Variants in MYH10 observed in about 807,000 individuals in gnomAD.
The protein encoded by MYH10 is myosin-10.
In MYH10, 55 loss-of-function variants were observed where a neutral mutation model predicts 257.8. The ratio of observed to expected loss-of-function variants is 0.21; its 90% confidence interval spans 0.17 to 0.27. The LOEUF is 0.27. MYH10 is among the 10% of genes least tolerant of loss of function. The pLI is 1.00. For synonymous variants in MYH10, 854 were observed against 921.7 expected, an observed-to-expected ratio of 0.93 and a Z score of 1.33; for missense variants, 1,631 against 2,500.6, an observed-to-expected ratio of 0.65 and a Z score of 7.42.
At chr17:8,538,977 C>T (rs1310621383) in intron 14 of MYH10, among the ~76,000 whole-genome samples, 1 of 152,128 alleles carries the variant, frequency 6.6e-6, no homozygotes, top group Non-Finnish European at 1.5e-5. Flanking sequence ...ATTCATGGAT[C>T]AATGGGTTGT....
intron 2 of MYH10, among the ~76,000 whole-genome samples, chr17:8,618,917 G>A (rs750135166): frequency 6.6e-6 from 1 of 152,092 alleles, no homozygotes; most frequent in Non-Finnish European, 1.5e-5. Flanking sequence ...AAATACAGTC[G>A]GTTGTTTTCT....
At chr17:8,611,899 C>G (rs2085053433) in intron 2 of MYH10, among the ~76,000 whole-genome samples, 1 of 152,198 alleles carries the variant, frequency 6.6e-6, no homozygotes, top group African/African-American at 2.4e-5. Context: ...GCCACAGAGT[C>G]AAAACCACTA....
intron 8 of MYH10, among the ~76,000 whole-genome samples, chr17:8,553,258 T>C (rs1037895351): frequency 7.2e-5 from 11 of 152,192 alleles, no homozygotes; most frequent in Admixed American, 4.6e-4. Context: ...TTTGGAGGCA[T>C]AAAATACTGT....
intron 4 of MYH10, among the ~76,000 whole-genome samples, chr17:8,585,005 G>A (rs912763043): frequency 3.3e-5 from 5 of 151,666 alleles, no homozygotes; most frequent in African/African-American, 4.8e-5. Flanking sequence ...CACCATGCCC[G>A]GCCAATTTTG....
At chr17:8,561,575 A>G (rs1045187667) in intron 7 of MYH10, 31 of 823,926 alleles carry the variant, frequency 3.8e-5, no homozygotes, top group Non-Finnish European at 5.5e-5. Context: ...AAGCCCATGT[A>G]AGGAGCTGAG....
intron 16 of MYH10, among the ~76,000 whole-genome samples, chr17:8,534,280 CTTG>C (rs1313475003): frequency 6.6e-6 from 1 of 152,210 alleles, no homozygotes; most frequent in Non-Finnish European, 1.5e-5. Flanking sequence ...TTCTGTTTTA[CTTG>C]TTGGAAAGCT....
At chr17:8,587,978 T>C (rs2083972721) in intron 4 of MYH10, among the ~76,000 whole-genome samples, 1 of 152,066 alleles carries the variant, frequency 6.6e-6, no homozygotes, top group East Asian at 1.9e-4. Context: ...GTGGGCACGC[T>C]GCTGCTCATC....
chr17:8,542,953 A>G (rs188226769), intron 13 of MYH10, among the ~76,000 whole-genome samples: 1 of 152,312 alleles, frequency 6.6e-6, no homozygotes, highest in Non-Finnish European at 1.5e-5. Flanking sequence ...GCCCTCATAA[A>G]GTGAATTTAG....
At chr17:8,546,410 AC>A (rs781106786) in intron 12 of MYH10, 133 bp downstream of exon 12, 3 of 639,512 alleles carry the variant, frequency 4.7e-6, no homozygotes, top group Admixed American at 3.5e-5. Flanking sequence ...AAAAAAAAAA[AC>A]TCATTTAGTA....
At chr17:8,517,750 C>T (rs1234662977) in intron 21 of MYH10, among the ~76,000 whole-genome samples, 1 of 152,164 alleles carries the variant, frequency 6.6e-6, no homozygotes, top group Non-Finnish European at 1.5e-5. Context: ...AGTATAGATT[C>T]CCCCTCACTG....
chr17:8,522,394 A>C (rs2151906070), intron 17 of MYH10, among the ~76,000 whole-genome samples: 1 of 152,334 alleles, frequency 6.6e-6, no homozygotes, highest in African/African-American at 2.4e-5. Context: ...CTTCAGTGGA[A>C]GCTGGGAGAA....
chr17:8,567,150 A>G (rs952713224), intron 7 of MYH10, among the ~76,000 whole-genome samples: 8 of 152,192 alleles, frequency 5.3e-5, no homozygotes, highest in African/African-American at 1.7e-4. Context: ...GCATTTCAGT[A>G]GGAAAATTTC....
chr17:8,574,845 A>G (rs746641510), intron 6 of MYH10, among the ~76,000 whole-genome samples: 1 of 152,254 alleles, frequency 6.6e-6, no homozygotes, highest in South Asian at 2.1e-4. Context: ...AGTCGCAGAC[A>G]GGGACACCCA....
intron 17 of MYH10, 35 bp from the exon 18 acceptor site, chr17:8,521,320 A>G (rs1281009104): frequency 6.3e-7 from 1 of 1,596,112 alleles, no homozygotes; most frequent in Non-Finnish European, 8.6e-7. Flanking sequence ...AATATAAGCC[A>G]AACCTCACTC....
At chr17:8,495,025 A>C (rs771490046) in intron 31 of MYH10, 112 bp downstream of exon 31, 2 of 678,462 alleles carry the variant, frequency 2.9e-6, no homozygotes, top group Non-Finnish European at 5.2e-6. Context: ...AGTATGACAT[A>C]AAACTAGTAA....
chr17:8,492,525 T>A lies in MYH10; in HGVS notation c.4459-16A>T, dbSNP rs1049161710. ...CTGCTAACAGCTGTGCAGAAGGGGATGGGGGAATACGAAAAACCGAAACAG... is the reference window on the plus strand; with the variant it reads ...CTGCTAACAGCTGTGCAGAAGGGGAAGGGGGAATACGAAAAACCGAAACAG... On this transcript the variant is annotated splice_polypyrimidine_tract_variant and intron_variant, in intron 33 of 42. Transcript: ENST00000360416. 1 of 1,595,442 alleles carries A rather than the reference T, an allele frequency of 6.3e-7. No homozygotes were observed. Among genetic ancestry groups the A allele is most frequent in the South Asian group, 1.1e-5 (1 of 89,540 alleles).
intron 16 of MYH10, 147 bp from the exon 17 acceptor site, chr17:8,530,832 T>C (rs1466239728): frequency 1.7e-6 from 1 of 581,164 alleles, no homozygotes; most frequent in South Asian, 2.5e-5. Flanking sequence ...CAAACATGAC[T>C]GTTTAGAGAA....
At position 8,545,121 on chromosome 17, in the gene MYH10, C is replaced by CT. The variant is rs2151950032; in HGVS notation, c.1431+326dup. 6.6e-6 allele frequency among the ~76,000 whole-genome samples: 1 copy of CT among 152,336 alleles called. No homozygotes were observed. The highest frequency in any genetic ancestry group is 2.1e-4 in the South Asian group (1 of 4,824). On this transcript the variant is annotated intron_variant, in intron 13 of 42. Transcript: ENST00000360416. This position sits in a 1 kb window ranked among gnomAD's most constrained non-coding sequence, Gnocchi z 4.7. ...TTAAGTTCTGTCCCATACAGGACCACTGGAATTACTCTCATTATGCCGGGA... is the reference window on the plus strand; with the variant it reads ...TTAAGTTCTGTCCCATACAGGACCACTTGGAATTACTCTCATTATGCCGGGA...
At chr17:8,593,672 C>A (rs2084252946) in intron 3 of MYH10, among the ~76,000 whole-genome samples, 1 of 151,970 alleles carries the variant, frequency 6.6e-6, no homozygotes, top group East Asian at 1.9e-4. Flanking sequence ...AACTACAAAA[C>A]ACTAATGAAA....
Sources: gnomAD v4.1 joint callset for allele counts (sites outside exome capture counted in the v4.1 genomes callset) on GRCh38, gnomAD v4.1.1 for gene constraint, Gnocchi (gnomAD v3.1) non-coding constraint, MANE v1.5 for transcripts, NCBI Gene and HGNC (gene_info 2026-07-23, HGNC 2026-07-21) for gene names.